The following RAB3GAP1 variants were observed in gnomAD, a reference collection of about 807,000 sequenced individuals.
The protein encoded by RAB3GAP1 is RAB3 GTPase activating protein catalytic subunit 1, also known as rab3 GTPase-activating protein catalytic subunit.
Under a neutral mutation model 130.7 loss-of-function variants are expected in RAB3GAP1, and 86 were observed. That is an observed-to-expected ratio of 0.66 (90% CI 0.55 to 0.79). The LOEUF is 0.79. Among genes scored for constraint, RAB3GAP1 ranks in the 30% least tolerant of loss-of-function variants. The pLI, the probability that RAB3GAP1 is intolerant of heterozygous loss-of-function variation, is 0.00. For synonymous variants in RAB3GAP1, 367 were observed against 401.7 expected, an observed-to-expected ratio of 0.91 and a Z score of 1.03; for missense variants, 1,029 against 1,169.4, an observed-to-expected ratio of 0.88 and a Z score of 1.75.
At chr2:135,103,933 G>A (rs1459249695) in intron 5 of RAB3GAP1, among the ~76,000 whole-genome samples, 1 of 152,178 alleles carries the variant, frequency 6.6e-6, no homozygotes, top group Non-Finnish European at 1.5e-5. Context: ...ATCCGTAGAT[G>A]ACAGGAAAAC....
chr2:135,119,525 T>C (rs1316194804), intron 7 of RAB3GAP1, among the ~76,000 whole-genome samples: 1 of 152,196 alleles, frequency 6.6e-6, no homozygotes, highest in Admixed American at 6.5e-5. Flanking sequence ...TTATTATAGG[T>C]GAATGCTCAT....
At chr2:135,147,613 C>CTT (rs1371766137) in intron 17 of RAB3GAP1, among the ~76,000 whole-genome samples, 79 of 139,502 alleles carry the variant, frequency 5.7e-4, no homozygotes, top group African/African-American at 2.1e-3. Flanking sequence ...ATAGTAGTCC[C>CTT]CTCCCCCCCC....
At chr2:135,114,523 A>C (rs1186971479) in intron 6 of RAB3GAP1, among the ~76,000 whole-genome samples, 1 of 152,246 alleles carries the variant, frequency 6.6e-6, no homozygotes, top group Non-Finnish European at 1.5e-5. Flanking sequence ...AAGTTGCCAC[A>C]AACACTGAGT....
Position 135,153,629 on chromosome 2 carries a change from A to T in RAB3GAP1, c.2062-20A>T, listed in dbSNP as rs779501779. ...GTTGATTTTCATTTGATTCTGCTGA[A>T]TTTTTTTGTCTTATTTTAGGCAGCT... On this transcript the variant is annotated intron_variant, in intron 18 of 23. Coordinates refer to ENST00000264158, the MANE Select transcript of RAB3GAP1 (RefSeq NM_012233.3). 11 of 1,609,590 alleles carry T rather than the reference A, an allele frequency of 6.8e-6. No homozygotes were observed. Among genetic ancestry groups the T allele is most frequent in the East Asian group, 4.5e-5 (2 of 44,854 alleles).
At chr2:135,069,262 CCTGGGA>C (rs1443423760) in intron 3 of RAB3GAP1, among the ~76,000 whole-genome samples, 1 of 152,100 alleles carries the variant, frequency 6.6e-6, no homozygotes, top group Non-Finnish European at 1.5e-5. Context: ...CATTTACTTA[CCTGGGA>C]ATTTTGTTAA....
At chr2:135,068,455 T>TAA (rs1378160637) in intron 3 of RAB3GAP1, among the ~76,000 whole-genome samples, 3 of 143,704 alleles carry the variant, frequency 2.1e-5, no homozygotes, top group African/African-American at 2.5e-5. Context: ...AAATTTTTCT[T>TAA]AAAAAAAAAA....
chr2:135,138,339 A>G (rs1558795062), intron 17 of RAB3GAP1, among the ~76,000 whole-genome samples: 1 of 151,124 alleles, frequency 6.6e-6, no homozygotes, highest in African/African-American at 2.4e-5. Context: ...AGTCCCAGCT[A>G]CTCGGGAGGC....
intron 3 of RAB3GAP1, among the ~76,000 whole-genome samples, chr2:135,063,329 T>G (rs888527437): frequency 6.6e-6 from 1 of 152,230 alleles, no homozygotes; most frequent in Non-Finnish European, 1.5e-5. Flanking sequence ...TGTTGTAAAA[T>G]GTAAGATTTA....
intron 4 of RAB3GAP1, 48 bp downstream of exon 4, chr2:135,091,178 G>A (rs370875460): frequency 1.3e-6 from 2 of 1,490,390 alleles, no homozygotes; most frequent in Non-Finnish European, 1.9e-6. Context: ...TGTAGGAGTG[G>A]CTGTAATTTT....
intron 17 of RAB3GAP1, among the ~76,000 whole-genome samples, chr2:135,139,131 A>G (rs1474271127): frequency 6.6e-6 from 1 of 152,122 alleles, no homozygotes; most frequent in African/African-American, 2.4e-5. Context: ...TGAATTCTTC[A>G]TATTTTAGAT....
chr2:135,138,620 T>C (rs969237957), intron 17 of RAB3GAP1, among the ~76,000 whole-genome samples: 1 of 152,030 alleles, frequency 6.6e-6, no homozygotes, highest in Admixed American at 6.6e-5. Context: ...ATTTTTTTTT[T>C]TTTTTGGAGA....
At chr2:135,105,696 G>C (rs552990041) in intron 5 of RAB3GAP1, among the ~76,000 whole-genome samples, 3 of 146,968 alleles carry the variant, frequency 2.0e-5, no homozygotes, top group African/African-American at 7.6e-5. Flanking sequence ...GCCGCCAATC[G>C]TCTGGGATGT....
intron 7 of RAB3GAP1, among the ~76,000 whole-genome samples, chr2:135,119,793 T>C (rs569739351): frequency 1.3e-5 from 2 of 152,368 alleles, no homozygotes; most frequent in Non-Finnish European, 2.9e-5. Flanking sequence ...ACTGGTTAGA[T>C]ATGCAGAAGA....
chr2:135,065,178 A>C (rs1390389928), intron 3 of RAB3GAP1, among the ~76,000 whole-genome samples: 2 of 152,180 alleles, frequency 1.3e-5, no homozygotes, highest in Non-Finnish European at 2.9e-5. Flanking sequence ...TGTCACCCTC[A>C]AACTTTGTCC....
chr2:135,162,953 C>A (rs114930438), intron 21 of RAB3GAP1, 33 bp from the exon 22 acceptor site: 1 of 1,588,158 alleles, frequency 6.3e-7, no homozygotes, highest in Non-Finnish European at 8.6e-7. Flanking sequence ...TTTGCCATCT[C>A]GCAATGTATG....
At chr2:135,104,472 A>G (rs908567108) in intron 5 of RAB3GAP1, among the ~76,000 whole-genome samples, 7 of 152,172 alleles carry the variant, frequency 4.6e-5, no homozygotes, top group African/African-American at 1.7e-4. Context: ...TATTACAAGT[A>G]TGTTGAGAGA....
chr2:135,163,007 A>C lies in RAB3GAP1; in HGVS notation c.2512A>C (p.Asn838His), dbSNP rs773369921. 1 of 1,613,642 alleles carries C rather than the reference A, an allele frequency of 6.2e-7. No individual in the cohort carries two copies. Among genetic ancestry groups the C allele is most frequent in the Non-Finnish European group, 8.5e-7 (1 of 1,179,570 alleles). Reference protein sequence around the residue: ...KLEEIIHQITNVEALIARARS... With the variant: ...KLEEIIHQITHVEALIARARS... ...CCAGGAAATCATTCACCAGATTACT[A>C]ATGTGGAAGCTCTCATTGCCAGAGC... Residue 838 changes from asparagine to histidine, a missense_variant, in exon 22 of 24, where the codon AAT (asparagine) becomes CAT (histidine). Physicochemically the swap from Asn to His is moderately conservative, Grantham distance 68 (BLOSUM62 1). Transcript: ENST00000264158.
intron 19 of RAB3GAP1, among the ~76,000 whole-genome samples, chr2:135,161,688 CA>C (rs368652831): frequency 1.3e-5 from 2 of 150,730 alleles, no homozygotes; most frequent in Non-Finnish European, 1.5e-5. Flanking sequence ...CTCTCTAAGC[CA>C]AAAAAAAGTC....
chr2:135,158,075 T>C (rs981765354), intron 19 of RAB3GAP1, among the ~76,000 whole-genome samples: 1 of 152,046 alleles, frequency 6.6e-6, no homozygotes, highest in African/African-American at 2.4e-5. Context: ...ATTGGAGGTA[T>C]TGGTGTGGAC....
Sources: gnomAD v4.1 joint callset for allele counts (sites outside exome capture counted in the v4.1 genomes callset) on GRCh38, gnomAD v4.1.1 for gene constraint, MANE v1.5 for transcripts, NCBI Gene and HGNC (gene_info 2026-07-23, HGNC 2026-07-21) for gene names.